AP1S2: variants seen among roughly 807,000 people sequenced by gnomAD.
AP1S2 encodes adaptor related protein complex 1 subunit sigma 2.
A neutral mutation model predicts 14.3 loss-of-function variants in AP1S2; 1 was observed. The observed-to-expected ratio is 0.07, with a 90% CI of 0.02 to 0.33. The LOEUF is 0.33. Ranked by LOEUF, AP1S2 falls within the 10% of genes least tolerant of loss-of-function variation. The pLI, the probability that AP1S2 is intolerant of heterozygous loss-of-function variation, is 0.99. For synonymous variants in AP1S2, 30 were observed against 40.5 expected (o/e 0.74, Z 0.99); for missense variants, 30 against 117.7 (o/e 0.25, Z 3.45).
chrX:15,854,017 C>T (rs763391394), intron 1 of AP1S2, among the ~76,000 whole-genome samples: 13 of 111,890 alleles, frequency 1.2e-4, no homozygotes, highest in Non-Finnish European at 2.3e-4. Flanking sequence ...GAGCAGGGTC[C>T]TGTATCCGCC....
At chrX:15,845,257 G>A in intron 4 of AP1S2, 122 bp downstream of exon 4, 3 of 1,151,121 alleles carry the variant, frequency 2.6e-6, no homozygotes, top group Non-Finnish European at 3.5e-6. Context: ...AACTGCACAT[G>A]GATGGACACT....
Position 15,854,690 on chromosome X carries a change from CGGCCGCG to C in AP1S2, c.-10_-4del, listed in dbSNP as rs1272276218. ...CCCTTTCGCCCCCAGGGACTTACGG[CGGCCGCG>C]GGCCGCGGGCGCGGCGGAGCTTGGC... On this transcript the variant is annotated 5_prime_UTR_variant, in exon 1 of 6. Coordinates refer to ENST00000672987, the MANE Select transcript of AP1S2 (RefSeq NM_001272071.2). 2.7e-6 allele frequency: 2 copies of C among 750,431 alleles called. No individual in the cohort carries two copies. Among genetic ancestry groups the C allele is most frequent in the South Asian group, 5.4e-5 (1 of 18,458 alleles). The allele number at this position is 750,431 out of a possible 1,213,427, so 61.8% of individuals were successfully genotyped here. A position where few individuals can be genotyped will look rare whatever the true frequency, so the allele number is the denominator to read the frequency against.
At chrX:15,832,469 T>TTACA (rs1335192586) in intron 4 of AP1S2, 11 of 717,959 alleles carry the variant, frequency 1.5e-5, no homozygotes, top group Non-Finnish European at 1.8e-5. Flanking sequence ...CAAAAGCCAG[T>TTACA]TACATTTTAA....
intron 2 of AP1S2, among the ~76,000 whole-genome samples, chrX:15,846,616 A>G (rs905388545): frequency 8.9e-6 from 1 of 111,949 alleles, no homozygotes; most frequent in Admixed American, 9.5e-5. Flanking sequence ...CCCACCCCCA[A>G]GGGTAACTAT....
At chrX:15,844,366 A>T (rs917959572) in intron 4 of AP1S2, among the ~76,000 whole-genome samples, 5 of 112,817 alleles carry the variant, frequency 4.4e-5, no homozygotes, top group Admixed American at 9.4e-5. Flanking sequence ...ATAAACATGT[A>T]TGTAACAAAG....
At chrX:15,854,031 C>A (rs747450282) in intron 1 of AP1S2, among the ~76,000 whole-genome samples, 3 of 111,998 alleles carry the variant, frequency 2.7e-5, no homozygotes, top group African/African-American at 9.7e-5. Flanking sequence ...ATCCGCCCTA[C>A]CACTTTGCAG....
chrX:15,833,661 A>G (rs1333283574), intron 4 of AP1S2: 1 of 231,610 alleles, frequency 4.3e-6, no homozygotes, highest in Non-Finnish European at 6.2e-6. Context: ...CTTAACATTT[A>G]AGGTAATTTT....
chrX:15,844,437 C>T (rs936872143), intron 4 of AP1S2, among the ~76,000 whole-genome samples: 3 of 112,396 alleles, frequency 2.7e-5, no homozygotes, highest in Non-Finnish European at 5.6e-5. Flanking sequence ...GAAAATGAAC[C>T]AGTGAGCCAA....
Position 15,827,300 on chromosome X carries a change from A to G in AP1S2, c.*25T>C. 1.7e-6 allele frequency: 2 copies of G among 1,186,067 alleles called. No homozygotes were observed. The highest frequency in any genetic ancestry group is 2.3e-6 in the Non-Finnish European group (2 of 872,009). ...CATCTACAGTGTGTGAAATGCCACA[A>G]GAAGTCATCAACAAGGGAGGAGAGT... On this transcript the variant is annotated 3_prime_UTR_variant, in exon 6 of 6. Transcript: ENST00000672987.
chrX:15,849,086 C>T (rs1934088095), intron 2 of AP1S2, among the ~76,000 whole-genome samples: 1 of 111,655 alleles, frequency 9.0e-6, no homozygotes, highest in African/African-American at 3.3e-5. Context: ...TCTTCAAGAG[C>T]ATTTAGAGAT....
chrX:15,841,475 G>A (rs12156972), intron 4 of AP1S2, among the ~76,000 whole-genome samples: 1 of 110,473 alleles, frequency 9.1e-6, no homozygotes, highest in Non-Finnish European at 1.9e-5. Context: ...TACTACAAAT[G>A]TAAGTCTGAA....
chrX:15,834,331 GA>G (rs1160100860), intron 4 of AP1S2, among the ~76,000 whole-genome samples: 1 of 95,144 alleles, frequency 1.1e-5, no homozygotes, highest in Admixed American at 1.2e-4. Flanking sequence ...ATGAATTAAA[GA>G]AAAAAAAAGT....
intron 5 of AP1S2, 82 bp downstream of exon 5, chrX:15,828,110 A>G: frequency 1.3e-6 from 1 of 793,950 alleles, no homozygotes; most frequent in Non-Finnish European, 1.7e-6. Context: ...ATTACTAGCA[A>G]CGAATTTTGT....
chrX:15,852,178 TATCA>T (rs1448373843), intron 2 of AP1S2, among the ~76,000 whole-genome samples, 164 bp downstream of exon 2: 3 of 112,553 alleles, frequency 2.7e-5, no homozygotes, highest in Non-Finnish European at 5.6e-5. Flanking sequence ...CCTCAGTAAT[TATCA>T]ATCAAAACAC....
intron 4 of AP1S2, among the ~76,000 whole-genome samples, chrX:15,844,170 A>C (rs756533432): frequency 2.7e-5 from 3 of 112,667 alleles, no homozygotes; most frequent in Non-Finnish European, 5.6e-5. Flanking sequence ...CCAGTCAGTG[A>C]CTGATGCAGT....
chrX:15,827,956 A>G (rs1005768460), intron 5 of AP1S2, among the ~76,000 whole-genome samples: 1 of 111,481 alleles, frequency 9.0e-6, no homozygotes, highest in Non-Finnish European at 1.9e-5. Flanking sequence ...TTTTTATTCT[A>G]TGTAGCAACC....
At chrX:15,828,526 T>C (rs949988489) in intron 4 of AP1S2, among the ~76,000 whole-genome samples, 2 of 111,897 alleles carry the variant, frequency 1.8e-5, no homozygotes, top group African/African-American at 6.5e-5. Context: ...GCTCATATGA[T>C]GACCTTTTAG....
At chrX:15,854,195 A>G (rs1362329345) in intron 1 of AP1S2, among the ~76,000 whole-genome samples, 1 of 112,802 alleles carries the variant, frequency 8.9e-6, no homozygotes, top group Non-Finnish European at 1.9e-5. Context: ...CGAGACTGGC[A>G]TTAAAAACAA....
intron 1 of AP1S2, among the ~76,000 whole-genome samples, chrX:15,853,410 A>G (rs1244695201): frequency 8.9e-6 from 1 of 112,803 alleles, no homozygotes; most frequent in Non-Finnish European, 1.9e-5. Context: ...TTTAACGCCA[A>G]GCTTTTTGTA....
Sources: gnomAD v4.1 joint callset for allele counts (sites outside exome capture counted in the v4.1 genomes callset) on GRCh38, gnomAD v4.1.1 for gene constraint, MANE v1.5 for transcripts, NCBI Gene and HGNC (gene_info 2026-07-23, HGNC 2026-07-21) for gene names.